The following MED13L variants were observed in gnomAD, a reference collection of about 807,000 sequenced individuals.
MED13L encodes mediator complex subunit 13L.
A neutral mutation model predicts 220.9 loss-of-function variants in MED13L; 7 were observed. The ratio of observed to expected loss-of-function variants is 0.03; its 90% confidence interval spans 0.02 to 0.06. MED13L has a LOEUF of 0.06. Among genes scored for constraint, MED13L ranks in the 10% least tolerant of loss-of-function variants. MED13L has a pLI of 1.00. For synonymous variants in MED13L, 1,011 were observed against 1,015.2 expected, an observed-to-expected ratio of 1.00 and a Z score of 0.08; for missense variants, 1,965 against 2,760.5, an observed-to-expected ratio of 0.71 and a Z score of 6.46.
intron 4 of MED13L, among the ~76,000 whole-genome samples, chr12:116,045,859 C>T (rs1358545801): frequency 6.6e-6 from 1 of 151,650 alleles, no homozygotes; most frequent in Non-Finnish European, 1.5e-5. Context: ...TCACCAATAA[C>T]AAGACATATT....
intron 4 of MED13L, among the ~76,000 whole-genome samples, chr12:116,052,996 C>T (rs1485900986): frequency 6.6e-6 from 1 of 152,090 alleles, no homozygotes; most frequent in Non-Finnish European, 1.5e-5. Flanking sequence ...ACTGAATAAG[C>T]CTAAGACATT....
intron 24 of MED13L, 69 bp downstream of exon 24, chr12:115,975,446 G>T: frequency 6.3e-7 from 1 of 1,592,148 alleles, no homozygotes. Flanking sequence ...ATAGAAAACT[G>T]GAAATATTCA....
chr12:116,119,838 A>AAAAAAAAAT (rs1555213242), intron 2 of MED13L, among the ~76,000 whole-genome samples: 1 of 31,598 alleles, frequency 3.2e-5, no homozygotes, highest in Non-Finnish European at 5.5e-5. Flanking sequence ...AAAAAAAAAA[A>AAAAAAAAAT]ATATATATAT....
At chr12:116,131,892 G>GA (rs1197265990) in intron 2 of MED13L, among the ~76,000 whole-genome samples, 1 of 152,020 alleles carries the variant, frequency 6.6e-6, no homozygotes, top group African/African-American at 2.4e-5. Context: ...TAAGGTGGGA[G>GA]AATCACTTGA....
At chr12:116,252,478 G>C (rs1381006239) in intron 1 of MED13L, among the ~76,000 whole-genome samples, 1 of 152,086 alleles carries the variant, frequency 6.6e-6, no homozygotes, top group East Asian at 1.9e-4. Flanking sequence ...CACTGAGGTT[G>C]CAGTGAGCTG....
chr12:116,180,758 TA>T (rs1421282834), intron 2 of MED13L, among the ~76,000 whole-genome samples: 1 of 152,166 alleles, frequency 6.6e-6, no homozygotes, highest in Non-Finnish European at 1.5e-5. Context: ...GAATCTTGAT[TA>T]AGTGGTTTCA....
At chr12:116,081,336 T>C (rs1021067240) in intron 4 of MED13L, among the ~76,000 whole-genome samples, 1 of 152,254 alleles carries the variant, frequency 6.6e-6, no homozygotes, top group Non-Finnish European at 1.5e-5. Flanking sequence ...TAATTTTGTC[T>C]TTTTGTAAAC....
At chr12:116,054,962 G>C (rs1456309072) in intron 4 of MED13L, among the ~76,000 whole-genome samples, 1 of 152,090 alleles carries the variant, frequency 6.6e-6, no homozygotes, top group African/African-American at 2.4e-5. Context: ...ATAAATTGTG[G>C]TATATTAACA....
chr12:116,217,203 A>G (rs1359813073), intron 2 of MED13L, among the ~76,000 whole-genome samples: 1 of 152,168 alleles, frequency 6.6e-6, no homozygotes, highest in Non-Finnish European at 1.5e-5. Flanking sequence ...AGGGTGCTTG[A>G]GCACCCACCC....
chr12:116,211,217 C>A (rs2138352138), intron 2 of MED13L, among the ~76,000 whole-genome samples: 1 of 152,252 alleles, frequency 6.6e-6, no homozygotes, highest in African/African-American at 2.4e-5. Flanking sequence ...AAACCTAGAC[C>A]AGCACTGTCC....
chr12:116,268,809 C>T (rs1217083449), intron 1 of MED13L, among the ~76,000 whole-genome samples: 1 of 152,158 alleles, frequency 6.6e-6, no homozygotes, highest in Admixed American at 6.5e-5. Context: ...GTCTGTCACT[C>T]CAATTTAATT....
Position 116,267,559 on chromosome 12 carries a change from C to A in MED13L, c.72+9501G>T, listed in dbSNP as rs111513472. Among the ~76,000 whole-genome samples the A allele has an allele frequency of 6.4e-3, 975 of 152,236 alleles. 7 individuals carry two copies. Among genetic ancestry groups the A allele is most frequent in the African/African-American group, 0.022 (914 of 41,522 alleles). On this transcript the variant is annotated intron_variant, in intron 1 of 30. Transcript: ENST00000281928. ...CAAAATGATTTTTCACGCCTCCTGC[C>A]CTCCAACACCAAGTTTACAGGAGAA...
At chr12:116,045,679 T>C (rs1195484178) in intron 4 of MED13L, among the ~76,000 whole-genome samples, 2 of 152,086 alleles carry the variant, frequency 1.3e-5, no homozygotes, top group African/African-American at 4.8e-5. Flanking sequence ...ATAACAAATT[T>C]TCAAGTAAAT....
intron 1 of MED13L, among the ~76,000 whole-genome samples, chr12:116,249,134 G>C (rs1385815406): frequency 6.6e-6 from 1 of 152,234 alleles, no homozygotes; most frequent in Non-Finnish European, 1.5e-5. Flanking sequence ...ACTACTGGGA[G>C]CTATCACTCC....
chr12:116,093,327 AT>A (rs1435567445), intron 4 of MED13L, among the ~76,000 whole-genome samples: 1 of 152,176 alleles, frequency 6.6e-6, no homozygotes, highest in Non-Finnish European at 1.5e-5. Context: ...AAAGATGTCA[AT>A]ATAGAGAAAA....
At position 116,030,766 on chromosome 12, in the gene MED13L, A is replaced by AAAT. The variant is rs1228880128; in HGVS notation, c.480-8168_480-8166dup. ...ACACTTTTAACAATAAGAACACTAT[A>AAAT]AATACAGTAACTTTATGCCGATAAA... On this transcript the variant is annotated intron_variant, in intron 4 of 30. Transcript: ENST00000281928. Among the ~76,000 whole-genome samples, 3 of 152,286 alleles carry AAAT rather than the reference A, an allele frequency of 2.0e-5. No homozygotes were observed. The South Asian group carries it at 6.2e-4, about 32-fold the overall frequency.
intron 5 of MED13L, among the ~76,000 whole-genome samples, chr12:116,021,653 T>C (rs1417535703): frequency 1.3e-5 from 2 of 152,308 alleles, no homozygotes; most frequent in African/African-American, 4.8e-5. Flanking sequence ...AAAATATCAG[T>C]GTTTTTTAAA....
chr12:116,007,731 G>A (rs1365375299), intron 10 of MED13L, 95 bp from the exon 11 acceptor site: 12 of 984,676 alleles, frequency 1.2e-5, no homozygotes, highest in South Asian at 5.9e-5. Flanking sequence ...AAAATTCACC[G>A]ATATAGTGAT....
intron 18 of MED13L, 51 bp downstream of exon 18, chr12:115,987,058 A>G: frequency 6.3e-7 from 1 of 1,581,316 alleles, no homozygotes; most frequent in East Asian, 2.2e-5. Context: ...GCTGCTCTTC[A>G]CTGAACAGCA....
Sources: allele counts gnomAD v4.1 joint callset (sites outside exome capture counted in the v4.1 genomes callset), GRCh38; gene constraint gnomAD v4.1.1; transcripts MANE v1.5; gene names NCBI Gene and HGNC (gene_info 2026-07-23, HGNC 2026-07-21).